The following CCSER2 variants were observed in gnomAD, a reference collection of about 807,000 sequenced individuals.
CCSER2 encodes the protein coiled-coil serine rich protein 2, also known as serine-rich coiled-coil domain-containing protein 2.
CCSER2 carries 46 observed loss-of-function variants against 92.3 expected under a neutral mutation model. The ratio of observed to expected loss-of-function variants is 0.50; its 90% CI spans 0.39 to 0.64. The LOEUF is 0.64. Ranked by LOEUF, CCSER2 falls within the 30% of genes least tolerant of loss-of-function variation. The pLI is 0.00. For synonymous variants in CCSER2, 433 were observed against 431.4 expected, an observed-to-expected ratio of 1.00 and a Z score of -0.04; for missense variants, 1,244 against 1,238.9, an observed-to-expected ratio of 1.00 and a Z score of -0.06.
intron 9 of CCSER2, among the ~76,000 whole-genome samples, chr10:84,506,799 A>ATAAATAAATAAATAAC (rs1849075053): frequency 1.3e-5 from 2 of 151,042 alleles, no homozygotes; most frequent in South Asian, 4.2e-4. Flanking sequence ...CATCTCAAAA[A>ATAAATAAATAAATAAC]TAAATAAATA....
At chr10:84,459,747 C>T (rs979657336) in intron 6 of CCSER2, among the ~76,000 whole-genome samples, 1 of 152,118 alleles carries the variant, frequency 6.6e-6, no homozygotes, top group Non-Finnish European at 1.5e-5. Flanking sequence ...TGGTCTTGAA[C>T]TCTTGGGCTC....
At chr10:84,430,468 A>C (rs1000867670) in intron 5 of CCSER2, among the ~76,000 whole-genome samples, 1 of 152,210 alleles carries the variant, frequency 6.6e-6, no homozygotes, top group Non-Finnish European at 1.5e-5. Context: ...TAAGCAGTGC[A>C]CTAGGGATAA....
chr10:84,416,886 G>A (rs868252391), intron 3 of CCSER2, among the ~76,000 whole-genome samples: 19 of 152,236 alleles, frequency 1.2e-4, no homozygotes, highest in Non-Finnish European at 2.4e-4. Flanking sequence ...AGCCGAGATC[G>A]CGCCATTGCA....
At chr10:84,352,822 C>G (rs1335553199) in intron 1 of CCSER2, among the ~76,000 whole-genome samples, 1 of 151,458 alleles carries the variant, frequency 6.6e-6, no homozygotes, top group East Asian at 1.9e-4. Flanking sequence ...GAGACAGAGT[C>G]TCTTGTCACC....
intron 1 of CCSER2, among the ~76,000 whole-genome samples, chr10:84,369,285 G>A (rs1845942254): frequency 6.6e-6 from 1 of 152,034 alleles, no homozygotes; most frequent in South Asian, 2.1e-4. Flanking sequence ...ACCACCAGCA[G>A]TACCTAAATG....
chr10:84,457,223 TA>T (rs1564683998), intron 6 of CCSER2, among the ~76,000 whole-genome samples: 5 of 106,216 alleles, frequency 4.7e-5, no homozygotes, highest in African/African-American at 1.8e-4. Context: ...TATTACATAT[TA>T]TATATAAATA....
At chr10:84,329,890 G>A (rs899610223) in intron 1 of CCSER2, among the ~76,000 whole-genome samples, 1 of 151,666 alleles carries the variant, frequency 6.6e-6, no homozygotes, top group African/African-American at 2.4e-5. Flanking sequence ...TTTTGTTTTC[G>A]TTTGTGTTCT....
chr10:84,500,042 C>A, intron 9 of CCSER2: 1 of 1,597,180 alleles, frequency 6.3e-7, no homozygotes, highest in South Asian at 1.1e-5. Flanking sequence ...TCCTCCCCAG[C>A]ACCTCCTTTT....
chr10:84,469,969 T>G (rs1201968273), intron 7 of CCSER2, among the ~76,000 whole-genome samples: 2 of 151,888 alleles, frequency 1.3e-5, no homozygotes, highest in Non-Finnish European at 2.9e-5. Context: ...AGGCTACTCT[T>G]ATGTATCCCT....
intron 6 of CCSER2, among the ~76,000 whole-genome samples, chr10:84,441,000 C>A (rs1589672366): frequency 6.6e-6 from 1 of 152,152 alleles, no homozygotes; most frequent in Non-Finnish European, 1.5e-5. Flanking sequence ...ACAGTAATGT[C>A]CTTGGACTTG....
At chr10:84,416,315 G>T (rs1403987486) in intron 3 of CCSER2, among the ~76,000 whole-genome samples, 1 of 152,154 alleles carries the variant, frequency 6.6e-6, no homozygotes, top group Admixed American at 6.5e-5. Context: ...TCAGTTGAAG[G>T]TGCTGAGTTC....
chr10:84,357,874 T>C (rs1487573644), intron 1 of CCSER2, among the ~76,000 whole-genome samples: 1 of 152,246 alleles, frequency 6.6e-6, no homozygotes, highest in East Asian at 1.9e-4. Context: ...ATAATGGATG[T>C]TCAGTAAATA....
intron 1 of CCSER2, among the ~76,000 whole-genome samples, chr10:84,369,854 A>G (rs1411092312): frequency 1.3e-5 from 2 of 152,104 alleles, no homozygotes; most frequent in East Asian, 3.9e-4. Context: ...ATCCAATTTC[A>G]TTCTTCTACA....
intron 6 of CCSER2, among the ~76,000 whole-genome samples, chr10:84,447,404 G>A (rs1370980433): frequency 6.6e-6 from 1 of 152,152 alleles, no homozygotes; most frequent in Non-Finnish European, 1.5e-5. Context: ...TATGTTTTGT[G>A]TGTATGAGAG....
chr10:84,396,548 G>C (rs1841851104), intron 3 of CCSER2, among the ~76,000 whole-genome samples: 1 of 151,824 alleles, frequency 6.6e-6, no homozygotes, highest in Non-Finnish European at 1.5e-5. Context: ...TTTGGGTTCT[G>C]CCCACATCGT....
rs1170394884 is a variant in CCSER2, at chr10:84,514,157, C to T, written c.3034C>T (p.Pro1012Ser). The T allele has an allele frequency of 6.5e-7, 1 of 1,536,180 alleles. No homozygotes were observed. The highest frequency in any genetic ancestry group is 1.4e-5 in the African/African-American group (1 of 73,004). ...CCAGGCCAAGACAAGCATCCCAAGG[C>T]CACTAACACAACGAAAAGAAATCAT... ...SFQAKTSIPR[P>S]LTQRKEIMQN... Residue 1012 changes from proline to serine, a missense_variant, in exon 10 of 10, where the codon CCA (proline) becomes TCA (serine). By Grantham distance (74) the Pro-to-Ser change is moderately conservative (BLOSUM62 -1). Transcript: ENST00000372088.
chr10:84,514,976 T>C lies in CCSER2; in HGVS notation c.*709T>C, dbSNP rs10887314. On this transcript the variant is annotated 3_prime_UTR_variant, in exon 10 of 10. Coordinates refer to ENST00000372088, the MANE Select transcript of CCSER2 (RefSeq NM_001284240.2). ...AAACACATGTGCATGCACACACACA[T>C]ATACACACACATACCATTTATGTTT... 53,775 of 152,552 alleles carry C rather than the reference T, an allele frequency of 0.35. 11,320 individuals are homozygous for C. Among genetic ancestry groups the C allele is most frequent in the Non-Finnish European group, 0.47 (31,815 of 67,990 alleles). 9.4% of individuals were successfully genotyped at this position (152,552 alleles called of 1,614,324 possible).
At chr10:84,377,657 G>A (rs1201790276) in intron 3 of CCSER2, among the ~76,000 whole-genome samples, 1 of 152,060 alleles carries the variant, frequency 6.6e-6, no homozygotes, top group East Asian at 1.9e-4. Flanking sequence ...GAGCTTGTCC[G>A]TTTCCAGGAA....
At chr10:84,464,165 A>G (rs1846260181) in intron 7 of CCSER2, 149 bp downstream of exon 7, 1 of 533,116 alleles carries the variant, frequency 1.9e-6, no homozygotes, top group East Asian at 3.1e-5. Flanking sequence ...AGTTGAAATG[A>G]TATCTCTGTG....
Sources: allele counts gnomAD v4.1 joint callset (sites outside exome capture counted in the v4.1 genomes callset), GRCh38; gene constraint gnomAD v4.1.1; transcripts MANE v1.5; gene names NCBI Gene and HGNC (gene_info 2026-07-23, HGNC 2026-07-21).